The following C2orf72 variants were observed in gnomAD, a reference collection of about 807,000 sequenced individuals.
C2orf72 encodes the protein chromosome 2 open reading frame 72.
A neutral mutation model predicts 14.4 loss-of-function variants in C2orf72; 16 were observed. The observed-to-expected ratio is 1.11, with a 90% CI of 0.75 to 1.69. The LOEUF (loss-of-function observed/expected upper bound fraction) is 1.69, where lower values mean the gene tolerates loss of function less well. C2orf72 is among the 40% of genes most tolerant of loss of function. C2orf72 has a pLI of 0.00. For missense variants in C2orf72, 371 were observed against 358.3 expected (o/e 1.04, Z -0.29); for synonymous variants, 168 against 176.8 (o/e 0.95, Z 0.40).
Position 231,042,377 on chromosome 2 carries a change from G to C in C2orf72, c.748+968G>C, listed in dbSNP as rs534037728. 2.0e-5 allele frequency among the ~76,000 whole-genome samples: 3 copies of C among 152,228 alleles called. No individual in the cohort carries two copies. The East Asian group carries it at 5.8e-4, about 29-fold the overall frequency. ...TTTTTTACTGTACATATATACCTAC[G>C]ATAAAGCTTAATTTATAAACTAGGC... On this transcript the variant is annotated intron_variant, in intron 2 of 2. Coordinates refer to ENST00000373640, the MANE Select transcript of C2orf72 (RefSeq NM_001144994.2).
At chr2:231,044,945 T>TTATATATA (rs58611878) in intron 2 of C2orf72, among the ~76,000 whole-genome samples, 1,505 of 141,642 alleles carry the variant, frequency 0.011, 22 homozygotes, top group African/African-American at 0.034. Context: ...ATATATATCT[T>TTATATATA]TATATATATA....
intron 1 of C2orf72, among the ~76,000 whole-genome samples, chr2:231,039,396 C>G (rs867289228): frequency 6.6e-6 from 1 of 151,420 alleles, no homozygotes; most frequent in East Asian, 2.0e-4. Context: ...TCCCAGCTTT[C>G]TCTCCCTGCC....
At chr2:231,044,140 C>T (rs1693379291) in intron 2 of C2orf72, among the ~76,000 whole-genome samples, 1 of 148,976 alleles carries the variant, frequency 6.7e-6, no homozygotes. Context: ...AGGACACTTA[C>T]CATGAATGAA....
chr2:231,040,619 G>C lies in C2orf72; in HGVS notation c.635-677G>C, dbSNP rs572872757. On this transcript the variant is annotated intron_variant, in intron 1 of 2. Transcript: ENST00000373640. ...TAAGATTTCGCTAGTGGTTGGATCT[G>C]TTTTTTTAAAGTTTTCCAATTTCTT... 5.9e-5 allele frequency among the ~76,000 whole-genome samples: 9 copies of C among 152,286 alleles called. No homozygotes were observed. In the South Asian group the frequency reaches 1.9e-3, roughly 32 times the overall value.
intron 2 of C2orf72, among the ~76,000 whole-genome samples, chr2:231,041,826 A>AAG (rs975008204): frequency 1.3e-5 from 2 of 152,084 alleles, no homozygotes; most frequent in African/African-American, 4.8e-5. Flanking sequence ...GCACTGAGCT[A>AAG]AGGAGTGACA....
intron 1 of C2orf72, chr2:231,041,087 A>G (rs1240181289): frequency 4.0e-6 from 2 of 502,910 alleles, no homozygotes; most frequent in Non-Finnish European, 7.1e-6. Flanking sequence ...GAATTAAATG[A>G]GATAACATAG....
At chr2:231,044,600 T>C (rs947113593) in intron 2 of C2orf72, among the ~76,000 whole-genome samples, 1 of 152,032 alleles carries the variant, frequency 6.6e-6, no homozygotes, top group Non-Finnish European at 1.5e-5. Flanking sequence ...ACACAAAATA[T>C]TGTAGAAATG....
At position 231,037,977 on chromosome 2, in the gene C2orf72, G is replaced by C. The variant is rs998731000; in HGVS notation, c.412G>C (p.Ala138Pro). 223 of 1,026,626 alleles carry C rather than the reference G, an allele frequency of 2.2e-4. 2 individuals are homozygous for C. Among genetic ancestry groups the C allele is most frequent in the Admixed American group, 5.3e-4 (9 of 17,016 alleles). 63.6% of individuals were successfully genotyped at this position (1,026,626 alleles called of 1,614,324 possible). A position where few individuals can be genotyped will look rare whatever the true frequency, so the allele number is the denominator to read the frequency against. ...MLRDVRGRRRAGAALVGVLVA... is the reference protein window; with the variant it reads ...MLRDVRGRRRPGAALVGVLVA... ...GCGGGACGTGCGCGGCCGGCGGCGG[G>C]CCGGGGCGGCGCTGGTCGGGGTGCT... Residue 138 changes from alanine (A) to proline (P), a missense_variant, in exon 1 of 3, where the codon GCC becomes CCC. Physicochemically the swap from Ala to Pro is conservative, Grantham distance 27. Coordinates refer to ENST00000373640, the MANE Select transcript of C2orf72 (RefSeq NM_001144994.2).
At chr2:231,044,924 CGT>C (rs1345753683) in intron 2 of C2orf72, among the ~76,000 whole-genome samples, 63 of 128,828 alleles carry the variant, frequency 4.9e-4, no homozygotes, top group African/African-American at 1.6e-3. Context: ...ACTTTATATA[CGT>C]GTGTGTGTAT....
At chr2:231,041,501 G>A (rs963732205) in intron 2 of C2orf72, 92 bp downstream of exon 2, 24 of 926,202 alleles carry the variant, frequency 2.6e-5, no homozygotes, top group Non-Finnish European at 4.0e-5. Flanking sequence ...GGGACAGAGT[G>A]GACCAACATC....
intron 1 of C2orf72, among the ~76,000 whole-genome samples, chr2:231,040,637 A>T (rs904836447): frequency 6.6e-6 from 1 of 152,124 alleles, no homozygotes; most frequent in Non-Finnish European, 1.5e-5. Context: ...AAAGTTTTCC[A>T]ATTTCTTTCC....
intron 2 of C2orf72, among the ~76,000 whole-genome samples, chr2:231,045,000 T>C (rs1421349002): frequency 3.3e-5 from 5 of 149,506 alleles, no homozygotes; most frequent in Admixed American, 3.3e-4. Context: ...GAGTACACTC[T>C]AAAATAATGT....
intron 2 of C2orf72, among the ~76,000 whole-genome samples, chr2:231,044,562 ACT>A (rs1693385240): frequency 6.6e-6 from 1 of 151,538 alleles, no homozygotes; most frequent in African/African-American, 2.4e-5. Flanking sequence ...AAGCTTTTTC[ACT>A]CTTTTGTAGT....
chr2:231,038,105 G>A lies in C2orf72; in HGVS notation c.540G>A (p.Gln180=), dbSNP rs1559208359. Residue 180 remains glutamine, a synonymous_variant, in exon 1 of 3, where the codon CAG becomes CAA. Coordinates refer to ENST00000373640, the MANE Select transcript of C2orf72 (RefSeq NM_001144994.2). ...GCCGCCAGGCGGGGGGGCCCGTGCA[G>A]GCGGCCGCCTACTGCCCCGGCCTCC... is the stretch of plus-strand genomic sequence containing the variant. ...VFGRQAGGPV[Q]AAAYCPGLPA... 47 of 1,152,812 alleles carry A rather than the reference G, an allele frequency of 4.1e-5. 1 individual carries two copies. The South Asian group carries it at 2.0e-3, about 49-fold the overall frequency. 71.4% of individuals were successfully genotyped at this position (1,152,812 alleles called of 1,614,324 possible).
rs1313751462 is a variant in C2orf72 at position 231,038,093 on chromosome 2, G to C, written c.528G>C (p.Gly176=). The change falls in exon 1 of 3, where the codon GGG becomes GGC. Residue 176 remains glycine (G), a synonymous_variant. Coordinates refer to ENST00000373640, the MANE Select transcript of C2orf72 (RefSeq NM_001144994.2). ...GCGCCGTGTTCGGCCGCCAGGCGGG[G>C]GGGCCCGTGCAGGCGGCCGCCTACT... ...LLRAVFGRQA[G]GPVQAAAYCP... is the part of the protein sequence containing the mutation. The C allele has an allele frequency of 1.7e-6, 2 of 1,150,336 alleles. No homozygotes were observed. Among genetic ancestry groups the C allele is most frequent in the Admixed American group, 4.8e-5 (1 of 20,932 alleles). The allele number at this position is 1,150,336 out of a possible 1,614,324, so 71.3% of individuals were successfully genotyped here. A position where few individuals can be genotyped will look rare whatever the true frequency, so the allele number is the denominator to read the frequency against.
chr2:231,043,759 A>G (rs1459900252), intron 2 of C2orf72, among the ~76,000 whole-genome samples: 6 of 152,240 alleles, frequency 3.9e-5, no homozygotes, highest in African/African-American at 1.4e-4. Context: ...TGCAAATGGC[A>G]TTTATGGACT....
At chr2:231,040,985 T>G in intron 1 of C2orf72, 1 of 198,168 alleles carries the variant, frequency 5.0e-6, no homozygotes, top group Non-Finnish European at 1.0e-5. Context: ...CTTTGAGTAT[T>G]TTGTTTGGTG....
Position 231,046,975 on chromosome 2 carries a change from A to G in C2orf72, c.842A>G (p.Asp281Gly). ...CTTGGAAGGGGGTCAAAAGCCTGTG[A>G]TGGAGTCGTACACACTCCTGCTGAG... The part of the protein sequence containing the change: ...DDLGRGSKAC[D>G]GVVHTPAEPT... Residue 281 changes from aspartate to glycine, a missense_variant, in exon 3 of 3, where the codon GAT (aspartate) becomes GGT (glycine). By Grantham distance (94) the Asp-to-Gly change is moderately conservative (BLOSUM62 -1). This residue lies in a region of C2orf72 where 145 missense variants were observed against 149.4 expected (regional missense o/e 0.97). Coordinates refer to ENST00000373640, the MANE Select transcript of C2orf72 (RefSeq NM_001144994.2). The G allele has an allele frequency of 6.4e-7, 1 of 1,551,678 alleles. No homozygotes were observed. The highest frequency in any genetic ancestry group is 1.7e-4 in the Middle Eastern group (1 of 5,992).
chr2:231,045,823 T>C (rs143301684), intron 2 of C2orf72, among the ~76,000 whole-genome samples: 3 of 152,272 alleles, frequency 2.0e-5, no homozygotes, highest in African/African-American at 4.8e-5. Flanking sequence ...CGGCCAGCTG[T>C]GTTTCAGTCT....
Sources: gnomAD v4.1 joint callset for allele counts (sites outside exome capture counted in the v4.1 genomes callset) on GRCh38, gnomAD v4.1.1 for gene constraint, gnomAD v4.1.1 regional missense constraint, MANE v1.5 for transcripts, NCBI Gene and HGNC (gene_info 2026-07-23, HGNC 2026-07-21) for gene names.